The following FBXO24 variants were observed in gnomAD, a reference collection of about 807,000 sequenced individuals.
FBXO24 encodes the protein F-box protein 24, also known as F-box only protein 24.
A neutral mutation model predicts 63.5 loss-of-function variants in FBXO24; 30 were observed. That is an observed-to-expected ratio of 0.47 (90% CI 0.35 to 0.64). FBXO24 has a LOEUF of 0.64. Ranked by LOEUF, FBXO24 falls within the 30% of genes least tolerant of loss-of-function variation. FBXO24 has a pLI of 0.00. For missense variants in FBXO24, 624 were observed against 763.4 expected (o/e 0.82, Z 2.15); for synonymous variants, 300 against 305.0 (o/e 0.98, Z 0.17).
In FBXO24 at chr7:100,586,614, C is replaced by T. The variant is rs761960792; in HGVS notation, c.-12C>T. On this transcript the variant is annotated 5_prime_UTR_variant, in exon 1 of 10. Transcript: ENST00000241071. ...GCCTCTTCTCTGAGGGACGGCTCTA[C>T]CTACCAATAGCATGGGCGAGAAGGC... 7.9e-5 allele frequency: 127 copies of T among 1,614,108 alleles called. No homozygotes were observed. Among genetic ancestry groups the T allele is most frequent in the African/African-American group, 2.3e-4 (17 of 74,950 alleles).
rs1332474485 is a variant in FBXO24 at position 100,591,840 on chromosome 7, C to G, written c.496C>G (p.Leu166Val). The G allele has an allele frequency of 3.7e-6, 6 of 1,614,216 alleles. No individual in the cohort carries two copies. In the Admixed American group the frequency reaches 8.3e-5, roughly 22 times the overall value. ...CCTCAAAAATGCCCTGGTCTCCACC[C>G]TCGGCCAGATGCAGTGGAAGCGGGC... ...FFLKNALVSTLGQMQWKRACR... is the reference protein window; with the variant it reads ...FFLKNALVSTVGQMQWKRACR... The change falls in exon 4 of 10, where the codon CTC becomes GTC. Residue 166 changes from leucine to valine, a missense_variant. By Grantham distance (32) the Leu-to-Val change is conservative (BLOSUM62 1). Around this residue, in one of 3 missense-constraint regions of FBXO24, gnomAD observed 391 missense variants for 469.1 expected, o/e 0.83. Transcript: ENST00000241071.
chr7:100,597,900 T>TTG (rs1562821769), intron 8 of FBXO24, among the ~76,000 whole-genome samples: 1 of 151,178 alleles, frequency 6.6e-6, no homozygotes, highest in African/African-American at 2.4e-5. Flanking sequence ...TTTGTTTTTT[T>TTG]TTTTTTTAGA....
rs1166867134 is a variant in FBXO24, at chr7:100,592,917, T to G, written c.693T>G (p.Ser231Arg). The G allele has an allele frequency of 5.0e-6, 8 of 1,614,186 alleles. No individual in the cohort carries two copies. Among genetic ancestry groups the G allele is most frequent in the Non-Finnish European group, 6.8e-6 (8 of 1,180,048 alleles). ...GTGTTGAGGTCTATCTGCAGTCTAG[T>G]GGGCAGCGGGTCTTCAAGATGACAT... is the stretch of plus-strand genomic sequence containing the variant. ...CDCVEVYLQS[S>R]GQRVFKMTFH... Residue 231 changes from serine to arginine, a missense_variant, in exon 5 of 10, where the codon AGT becomes AGG. Ser to Arg is a moderately radical substitution (Grantham distance 110, BLOSUM62 -1). Transcript: ENST00000241071.
intron 1 of FBXO24, 144 bp downstream of exon 1, chr7:100,586,808 G>A: frequency 1.2e-6 from 1 of 840,226 alleles, no homozygotes; most frequent in South Asian, 1.4e-5. Context: ...GGATTCGGGC[G>A]ACTGCTTGAG....
Position 100,594,232 on chromosome 7 carries a change from G to A in FBXO24, c.794-151G>A, listed in dbSNP as rs1380414168. 1 of 756,620 alleles carries A rather than the reference G, an allele frequency of 1.3e-6. No homozygotes were observed. Among genetic ancestry groups the A allele is most frequent in the Non-Finnish European group, 2.1e-6 (1 of 484,192 alleles). 46.9% of individuals were successfully genotyped at this position (756,620 alleles called of 1,614,324 possible). A position where few individuals can be genotyped will look rare whatever the true frequency, so the allele number is the denominator to read the frequency against. The stretch of plus-strand genomic sequence containing the variant: ...TGATTTATGGTGGGAACTGGAGTCT[G>A]GGGGACTTGGGGTCACTCTTCCCTT... On this transcript the variant is annotated intron_variant, in intron 5 of 9. Coordinates refer to ENST00000241071, the MANE Select transcript of FBXO24 (RefSeq NM_033506.3). This position sits in a 1 kb window ranked among gnomAD's most constrained non-coding sequence, Gnocchi z 4.2.
intron 8 of FBXO24, 48 bp from the exon 9 acceptor site, chr7:100,599,983 C>T (rs1012718933): frequency 4.0e-6 from 6 of 1,516,116 alleles, no homozygotes; most frequent in Admixed American, 3.7e-5. Flanking sequence ...CCCAGCCCCC[C>T]CGTCCCTTGG....
intron 8 of FBXO24, among the ~76,000 whole-genome samples, chr7:100,598,971 T>TC (rs897302240): frequency 6.8e-6 from 1 of 146,894 alleles, no homozygotes; most frequent in Admixed American, 6.8e-5. Flanking sequence ...AGAGCGAGAC[T>TC]CCGTCTCTAC....
chr7:100,589,992 CCTT>C lies in FBXO24; in HGVS notation c.59_61del (p.Ser20del), dbSNP rs2131260921. The stretch of plus-strand genomic sequence containing the variant: ...TCTTGGGTAGGTGAAGAGAAGCTGC[CCTT>C]CTTGTGGCTCGGAGCTTGGGGTTGA... On this transcript the variant is annotated inframe_deletion, in exon 2 of 10. Transcript: ENST00000241071. 6.2e-7 allele frequency: 1 copy of C among 1,613,342 alleles called. No individual in the cohort carries two copies. Among genetic ancestry groups the C allele is most frequent in the East Asian group, 2.2e-5 (1 of 44,852 alleles).
chr7:100,588,089 G>A (rs983588363), intron 1 of FBXO24, among the ~76,000 whole-genome samples: 1 of 152,002 alleles, frequency 6.6e-6, no homozygotes, highest in Non-Finnish European at 1.5e-5. Flanking sequence ...ATGTTGCCCA[G>A]GCTGATCTCA....
chr7:100,588,661 G>A (rs1429470396), intron 1 of FBXO24, among the ~76,000 whole-genome samples: 1 of 152,080 alleles, frequency 6.6e-6, no homozygotes, highest in Non-Finnish European at 1.5e-5. Flanking sequence ...GACCCCTGCT[G>A]TTTCTCCTGA....
In FBXO24 at chr7:100,600,951, G is replaced by A. The variant is rs1181794530; in HGVS notation, c.*52G>A. 6.4e-7 allele frequency: 1 copy of A among 1,570,296 alleles called. No individual in the cohort carries two copies. The highest frequency in any genetic ancestry group is 2.2e-5 in the East Asian group (1 of 44,642). On this transcript the variant is annotated 3_prime_UTR_variant, in exon 10 of 10. Transcript: ENST00000241071. This position sits in a 1 kb window ranked among gnomAD's most constrained non-coding sequence, Gnocchi z 6.3. The stretch of plus-strand genomic sequence containing the variant: ...GAGGAGGGAGTCCGGCCCCAGGCCA[G>A]GGACTAAGGAGCAATGACCATTGTG...
In FBXO24 at chr7:100,592,008, C is replaced by T; in HGVS notation, c.558+106C>T. ...GGGTGCAGTGGCTTACACCTGTAATCCTAGCACTTTGGGAGGCTGAGGCAG... is the reference window on the plus strand; with the variant it reads ...GGGTGCAGTGGCTTACACCTGTAATTCTAGCACTTTGGGAGGCTGAGGCAG... On this transcript the variant is annotated intron_variant, in intron 4 of 9. Coordinates refer to ENST00000241071, the MANE Select transcript of FBXO24 (RefSeq NM_033506.3). The T allele has an allele frequency of 3.5e-6, 4 of 1,143,422 alleles. No homozygotes were observed. The East Asian group carries it at 9.7e-5, about 28-fold the overall frequency. The allele number at this position is 1,143,422 out of a possible 1,614,324, so 70.8% of individuals were successfully genotyped here.
At chr7:100,589,705 G>T in intron 1 of FBXO24, 1 of 1,546,504 alleles carries the variant, frequency 6.5e-7, no homozygotes, top group Non-Finnish European at 8.7e-7. Flanking sequence ...GGCAGGAGCA[G>T]GGAGGGGGCA....
chr7:100,596,658 C>T (rs1802322357), intron 8 of FBXO24, among the ~76,000 whole-genome samples: 1 of 151,650 alleles, frequency 6.6e-6, no homozygotes, highest in South Asian at 2.1e-4. Context: ...GGTGCTGCAG[C>T]GAGAATGGGA....
Position 100,600,510 on chromosome 7 carries a change from GC to G in FBXO24, c.1378-19del, listed in dbSNP as rs1286331865. The G allele has an allele frequency of 1.3e-6, 2 of 1,530,370 alleles. No homozygotes were observed. The highest frequency in any genetic ancestry group is 2.1e-5 in the Admixed American group (1 of 47,260). 94.8% of individuals were successfully genotyped at this position (1,530,370 alleles called of 1,614,324 possible). A position where few individuals can be genotyped will look rare whatever the true frequency, so the allele number is the denominator to read the frequency against. On this transcript the variant is annotated intron_variant, in intron 9 of 9. Transcript: ENST00000241071. The surrounding 1 kb of genome is among the most constrained non-coding windows in gnomAD (Gnocchi z 6.3). Reference sequence around the variant, plus strand: ...TGCAAGGAAAGCACCACTCAGCCATGCCCCCTTTCTCTCCTCCTCCAAGGTC... The same window carrying G: ...TGCAAGGAAAGCACCACTCAGCCATGCCCCTTTCTCTCCTCCTCCAAGGTC...
At chr7:100,596,892 A>T (rs1179353873) in intron 8 of FBXO24, among the ~76,000 whole-genome samples, 1 of 152,154 alleles carries the variant, frequency 6.6e-6, no homozygotes, top group African/African-American at 2.4e-5. Context: ...AAAATAAAAA[A>T]TTAGCCAGGT....
chr7:100,597,077 A>C (rs1802346346), intron 8 of FBXO24, among the ~76,000 whole-genome samples: 1 of 152,178 alleles, frequency 6.6e-6, no homozygotes, highest in South Asian at 2.1e-4. Context: ...CTCAATTGGA[A>C]ACGTCTAGCT....
chr7:100,592,994 A>T lies in FBXO24; in HGVS notation c.770A>T (p.Gln257Leu). ...KQIVLVGQET[Q>L]RALLLLTEEG... ...ATCGTGCTGGTTGGTCAGGAGACCC[A>T]GCGGGCTCTACTGCTCCTCACAGGT... The change falls in exon 5 of 10, where the codon CAG (glutamine) becomes CTG (leucine). Residue 257 changes from glutamine (Q) to leucine (L), a missense_variant. Physicochemically the swap from Gln to Leu is moderately radical, Grantham distance 113 (BLOSUM62 -2). Around this residue, in one of 3 missense-constraint regions of FBXO24, gnomAD observed 391 missense variants for 469.1 expected, o/e 0.83. Coordinates refer to ENST00000241071, the MANE Select transcript of FBXO24 (RefSeq NM_033506.3). The T allele has an allele frequency of 6.2e-7, 1 of 1,613,996 alleles. No homozygotes were observed. Among genetic ancestry groups the T allele is most frequent in the Non-Finnish European group, 8.5e-7 (1 of 1,179,938 alleles).
chr7:100,592,799 G>A lies in FBXO24; in HGVS notation c.575G>A (p.Arg192Lys). Residue 192 changes from arginine (R) to lysine (K), a missense_variant, in exon 5 of 10, where the codon AGG (arginine) becomes AAG (lysine). Arg to Lys is a conservative substitution (Grantham distance 26). Around this residue, in one of 3 missense-constraint regions of FBXO24, gnomAD observed 391 missense variants for 469.1 expected, o/e 0.83. Transcript: ENST00000241071. The stretch of plus-strand genomic sequence containing the variant: ...TTCCCCCAGTTTGCCTCGGACCCAA[G>A]GTGTGACACAGTTTACCGTAAATAC... Reference protein sequence around the residue: ...RGAKDFASDPRCDTVYRKYLY... With the variant: ...RGAKDFASDPKCDTVYRKYLY... 6.2e-7 allele frequency: 1 copy of A among 1,614,000 alleles called. No individual in the cohort carries two copies. The highest frequency in any genetic ancestry group is 8.5e-7 in the Non-Finnish European group (1 of 1,179,962).
Sources: allele counts gnomAD v4.1 joint callset (sites outside exome capture counted in the v4.1 genomes callset), GRCh38; gene constraint gnomAD v4.1.1; regional missense constraint gnomAD v4.1.1; non-coding constraint Gnocchi (gnomAD v3.1); transcripts MANE v1.5; gene names NCBI Gene and HGNC (gene_info 2026-07-23, HGNC 2026-07-21).